LDB1: variants seen among roughly 807,000 people sequenced by gnomAD.
LDB1 encodes the protein LIM domain-binding protein 1.
A neutral mutation model predicts 49.7 loss-of-function variants in LDB1; 6 were observed. That is an observed-to-expected ratio of 0.12 (90% CI 0.07 to 0.24). LDB1 has a LOEUF of 0.24. Ranked by LOEUF, LDB1 falls within the 10% of genes least tolerant of loss-of-function variation. The pLI, the probability that LDB1 is intolerant of heterozygous loss-of-function variation, is 1.00. For synonymous variants in LDB1, 233 were observed against 202.0 expected (o/e 1.15, Z -1.30); for missense variants, 341 against 561.7 (o/e 0.61, Z 3.97).
rs758269767 is a variant in LDB1 at position 102,109,635 on chromosome 10, A to C, written c.697T>G (p.Cys233Gly). 1 of 1,614,122 alleles carries C rather than the reference A, an allele frequency of 6.2e-7. No individual in the cohort carries two copies. The highest frequency in any genetic ancestry group is 8.5e-7 in the Non-Finnish European group (1 of 1,179,998). ...TTGAGAGTGGAATTGGACAGCCCACACCGAGTGATGTTTTTGGAGAGCTGA... is the reference window on the plus strand; with the variant it reads ...TTGAGAGTGGAATTGGACAGCCCACCCCGAGTGATGTTTTTGGAGAGCTGA... The part of the protein sequence containing the change: ...LDQLSKNITR[C>G]GLSNSTLNYL... The change falls in exon 8 of 11, where the codon TGT becomes GGT. Residue 233 changes from cysteine to glycine, a missense_variant. Transcript: ENST00000673968. The surrounding 1 kb of genome is among the most constrained non-coding windows in gnomAD (Gnocchi z 5.8).
At position 102,108,081 on chromosome 10, in the gene LDB1, C is replaced by T. The variant is rs1564910581; in HGVS notation, c.*12G>A. The T allele has an allele frequency of 1.2e-6, 2 of 1,606,008 alleles. No individual in the cohort carries two copies. Among genetic ancestry groups the T allele is most frequent in the Non-Finnish European group, 1.7e-6 (2 of 1,173,064 alleles). On this transcript the variant is annotated 3_prime_UTR_variant, in exon 11 of 11. Transcript: ENST00000673968. ...AGGTAGGCAGAGCACTGGGTGGCCA[C>T]AGCAGGGCCTTTTACTGGGAGGCCT...
Position 102,109,008 on chromosome 10 carries a change from G to C in LDB1, c.1005+21C>G, listed in dbSNP as rs1159085199. 1 of 1,614,230 alleles carries C rather than the reference G, an allele frequency of 6.2e-7. No individual in the cohort carries two copies. Among genetic ancestry groups the C allele is most frequent in the Admixed American group, 1.7e-5 (1 of 60,018 alleles). On this transcript the variant is annotated intron_variant, in intron 10 of 10. Transcript: ENST00000673968. The surrounding 1 kb of genome is among the most constrained non-coding windows in gnomAD (Gnocchi z 5.8). ...GAGTGGTGGGGCAGCCCAGAAGAGA[G>C]AAGAAAGCCGAGATGCTTACAGGTA...
chr10:102,120,620 C>CGGGG (rs2068407873), upstream of LDB1, among the ~76,000 whole-genome samples: 1 of 152,104 alleles, frequency 6.6e-6, no homozygotes, highest in Non-Finnish European at 1.5e-5. Flanking sequence ...GGCGGGCGGG[C>CGGGG]GGCGAGGGGC....
intron 1 of LDB1, among the ~76,000 whole-genome samples, chr10:102,114,083 T>A (rs554572786): frequency 3.3e-5 from 5 of 151,864 alleles, no homozygotes; most frequent in African/African-American, 1.2e-4. Flanking sequence ...AGCCCTGGAG[T>A]CAGCCATAGC....
intron 6 of LDB1, 79 bp from the exon 7 acceptor site, chr10:102,110,122 G>C (rs2068230192): frequency 6.8e-7 from 1 of 1,476,806 alleles, no homozygotes; most frequent in Non-Finnish European, 9.2e-7. Context: ...TCTCCCATTT[G>C]CTTACAACTC....
chr10:102,109,601 C>T lies in LDB1; in HGVS notation c.731G>A (p.Arg244Gln). The T allele has an allele frequency of 6.2e-7, 1 of 1,613,968 alleles. No individual in the cohort carries two copies. Among genetic ancestry groups the T allele is most frequent in the Non-Finnish European group, 8.5e-7 (1 of 1,179,962 alleles). ...GLSNSTLNYL[R>Q]LCVILEPMQE... ...GAAACTGGGTGGTCGGAGACTCACT[C>T]GGAGGTAGTTGAGAGTGGAATTGGA... Residue 244 changes from arginine (R) to glutamine (Q), a missense_variant and splice_region_variant, in exon 8 of 11, where the codon CGA (arginine) becomes CAA (glutamine). Transcript: ENST00000673968. The surrounding 1 kb of genome is among the most constrained non-coding windows in gnomAD (Gnocchi z 5.8).
Position 102,114,680 on chromosome 10 carries a change from G to A in LDB1, c.26-3144C>T, listed in dbSNP as rs1023460709. 14 of 829,358 alleles carry A rather than the reference G, an allele frequency of 1.7e-5. No homozygotes were observed. In the African/African-American group the frequency reaches 2.4e-4, roughly 14 times the overall value. 51.4% of individuals were successfully genotyped at this position (829,358 alleles called of 1,614,324 possible). A position where few individuals can be genotyped will look rare whatever the true frequency, so the allele number is the denominator to read the frequency against. ...AGGGGGCCGGCCTGGGGGGCGGGGG[G>A]CCGCGGGGAGTCCGGAGCCTTCTTT... is the stretch of plus-strand genomic sequence containing the variant. On this transcript the variant is annotated intron_variant, in intron 1 of 10. Transcript: ENST00000673968.
chr10:102,119,961 C>T (rs1046160837), intron 1 of LDB1, 125 bp downstream of exon 1: 3 of 683,214 alleles, frequency 4.4e-6, no homozygotes, highest in African/African-American at 3.8e-5. Flanking sequence ...CCGCGTAGCC[C>T]TTCCAGCCCC....
chr10:102,106,079 T>C (rs570064010), downstream of LDB1, among the ~76,000 whole-genome samples: 2 of 152,068 alleles, frequency 1.3e-5, no homozygotes, highest in Admixed American at 6.5e-5. Context: ...CCCAAGACCA[T>C]CTAACCCAAG....
In LDB1 at chr10:102,111,438, C is replaced by T. The variant is rs780494241; in HGVS notation, c.124G>A (p.Val42Met). 13 of 1,581,822 alleles carry T rather than the reference C, an allele frequency of 8.2e-6. No homozygotes were observed. Among genetic ancestry groups the T allele is most frequent in the South Asian group, 1.2e-5 (1 of 86,826 alleles). The change falls in exon 2 of 11, where the codon GTG (valine) becomes ATG (methionine). Residue 42 changes from valine to methionine, a missense_variant. Coordinates refer to ENST00000673968, the MANE Select transcript of LDB1 (RefSeq NM_001113407.3). ...FHPGTMLDRD[V>M]GPTPMYPPTY... ...GTGGCCAAGAGACTCACTTACCCCA[C>T]ATCCCTATCCAGCATGGTGCCGGGA...
At chr10:102,108,379 G>A in intron 10 of LDB1, 56 bp from the exon 11 acceptor site, 2 of 1,424,042 alleles carry the variant, frequency 1.4e-6, no homozygotes, top group Admixed American at 1.9e-5. Context: ...CCCGGCCCAG[G>A]GCGGCAGATA....
At chr10:102,120,996 C>T (rs1590295418), upstream of LDB1, among the ~76,000 whole-genome samples, 1 of 152,280 alleles carries the variant, frequency 6.6e-6, no homozygotes. Context: ...TCTCTTAATT[C>T]TTGTAGCAAC....
intron 1 of LDB1, 137 bp downstream of exon 1, chr10:102,119,949 C>T: frequency 1.8e-6 from 1 of 543,802 alleles, no homozygotes; most frequent in Non-Finnish European, 2.9e-6. Context: ...CAGCCTGAGG[C>T]CCCGCGTAGC....
At chr10:102,112,923 G>C (rs2068276443) in intron 1 of LDB1, among the ~76,000 whole-genome samples, 1 of 152,132 alleles carries the variant, frequency 6.6e-6, no homozygotes, top group South Asian at 2.1e-4. Flanking sequence ...TTGGGTATGA[G>C]CCAGGTACCC....
chr10:102,116,804 C>A (rs2068340834), intron 1 of LDB1, among the ~76,000 whole-genome samples: 1 of 152,130 alleles, frequency 6.6e-6, no homozygotes, highest in African/African-American at 2.4e-5. Flanking sequence ...CAACATACAG[C>A]CTATCACCAG....
chr10:102,110,493 G>A (rs373109358), intron 6 of LDB1, 36 bp downstream of exon 6: 13 of 1,587,064 alleles, frequency 8.2e-6, no homozygotes, highest in Non-Finnish European at 1.1e-5. Flanking sequence ...TCAAACCCAG[G>A]TGCCATGGTG....
rs1009832386 is a variant in LDB1 at position 102,107,121 on chromosome 10, G to C, written c.*972C>G. Among the ~76,000 whole-genome samples, 7 of 152,124 alleles carry C rather than the reference G, an allele frequency of 4.6e-5. No individual in the cohort carries two copies. Among genetic ancestry groups the C allele is most frequent in the African/African-American group, 1.7e-4 (7 of 41,410 alleles). ...AACAAAACCAAAAATACAGCAACAA[G>C]GCTGCTCCCTTCTCTCCACGCTCCC... On this transcript the variant is annotated 3_prime_UTR_variant, in exon 11 of 11. Transcript: ENST00000673968.
At chr10:102,119,609 G>A (rs1369789770) in intron 1 of LDB1, among the ~76,000 whole-genome samples, 1 of 151,896 alleles carries the variant, frequency 6.6e-6, no homozygotes, top group Non-Finnish European at 1.5e-5. Context: ...GGCAAGATGG[G>A]CCGCAATCAA....
chr10:102,108,945 C>T, intron 10 of LDB1, 84 bp downstream of exon 10: 1 of 1,565,922 alleles, frequency 6.4e-7, no homozygotes, highest in South Asian at 1.1e-5. Flanking sequence ...TGCTTCTACG[C>T]CTGCTAGTGA....
Sources: allele counts gnomAD v4.1 joint callset (sites outside exome capture counted in the v4.1 genomes callset), GRCh38; gene constraint gnomAD v4.1.1; non-coding constraint Gnocchi (gnomAD v3.1); transcripts MANE v1.5; gene names NCBI Gene and HGNC (gene_info 2026-07-23, HGNC 2026-07-21).